Variants in TBC1D9B observed in about 807,000 individuals in gnomAD.
TBC1D9B encodes the protein TBC1 domain family, member 9B (with GRAM domain).
TBC1D9B carries 87 observed loss-of-function variants against 121.1 expected under a neutral mutation model. The observed-to-expected ratio is 0.72, with a 90% CI of 0.60 to 0.86. TBC1D9B has a LOEUF of 0.86. Among genes scored for constraint, TBC1D9B ranks in the 40% least tolerant of loss-of-function variants. The pLI, the probability that TBC1D9B is intolerant of heterozygous loss-of-function variation, is 0.00. For missense variants in TBC1D9B, 1,540 were observed against 1,628.6 expected (o/e 0.95, Z 0.94); for synonymous variants, 668 against 670.1 (o/e 1.00, Z 0.05).
In TBC1D9B at chr5:179,875,108, C is replaced by T. The variant is rs1435117501; in HGVS notation, c.1980G>A (p.Leu660=). The T allele has an allele frequency of 1.2e-6, 2 of 1,614,060 alleles. No individual in the cohort carries two copies. The highest frequency in any genetic ancestry group is 4.5e-5 in the East Asian group (2 of 44,886). ...ACAGCGAGATGCTGGAGATCACCCC[C>T]AGGTCCTGCATCTTCTCCGAGAGCT... is the stretch of plus-strand genomic sequence containing the variant. The part of the protein sequence containing the change: ...LPQLSEKMQD[L]GVISSISLSW... Residue 660 remains leucine (L), a synonymous_variant, in exon 12 of 21, where the codon CTG becomes CTA. Transcript: ENST00000355235. The surrounding 1 kb of genome is among the most constrained non-coding windows in gnomAD (Gnocchi z 4.5).
Position 179,899,201 on chromosome 5 carries a change from C to T in TBC1D9B, c.336G>A (p.Lys112=). Residue 112 remains lysine, a synonymous_variant, in exon 3 of 21, where the codon AAG becomes AAA. Coordinates refer to ENST00000355235, the MANE Select transcript of TBC1D9B (RefSeq NM_015043.4). ...GGGTAAACCTTACGTGTATCTTGCC[C>T]TTGACGAAGGTGGTGATATCTTCCT... The part of the protein sequence containing the change: ...DSEEDITTFV[K]GKIHGIIAEE... 1 of 1,613,212 alleles carries T rather than the reference C, an allele frequency of 6.2e-7. No homozygotes were observed. The highest frequency in any genetic ancestry group is 2.2e-5 in the East Asian group (1 of 44,874).
intron 13 of TBC1D9B, 42 bp downstream of exon 13, chr5:179,873,077 A>C (rs1481119683): frequency 2.0e-5 from 33 of 1,612,128 alleles, no homozygotes; most frequent in Non-Finnish European, 2.8e-5. Flanking sequence ...CCCACATGCC[A>C]GATGGAGCGG....
At chr5:179,896,369 G>C (rs563053240) in intron 3 of TBC1D9B, among the ~76,000 whole-genome samples, 1 of 152,210 alleles carries the variant, frequency 6.6e-6, no homozygotes, top group Non-Finnish European at 1.5e-5. Context: ...CCGCAGCTGC[G>C]ATCTAAACAT....
chr5:179,880,872 C>T (rs998436998), intron 7 of TBC1D9B, among the ~76,000 whole-genome samples: 26 of 152,174 alleles, frequency 1.7e-4, no homozygotes, highest in African/African-American at 6.0e-4. Flanking sequence ...CCAGTGGGCA[C>T]GGCCCCAGCG....
chr5:179,871,541 G>C lies in TBC1D9B; in HGVS notation c.2416-11C>G. 6.2e-7 allele frequency: 1 copy of C among 1,611,932 alleles called. No individual in the cohort carries two copies. Among genetic ancestry groups the C allele is most frequent in the Non-Finnish European group, 8.5e-7 (1 of 1,178,986 alleles). On this transcript the variant is annotated splice_polypyrimidine_tract_variant and intron_variant, in intron 14 of 20. Coordinates refer to ENST00000355235, the MANE Select transcript of TBC1D9B (RefSeq NM_015043.4). The stretch of plus-strand genomic sequence containing the variant: ...AGGTATAGCTCGGACCTAGAAGGAA[G>C]GAGAAACAGGGTATATAGCTGGATC...
At position 179,875,872 on chromosome 5, in the gene TBC1D9B, C is replaced by A. The variant is rs1357747248; in HGVS notation, c.1900+48G>T. On this transcript the variant is annotated intron_variant, in intron 11 of 20. Transcript: ENST00000355235. The surrounding 1 kb of genome is among the most constrained non-coding windows in gnomAD (Gnocchi z 4.5). ...GGAAGGGCTGCCACCCTCATGGAAC[C>A]AGCAGGCACCTGGAGACCCAGGCGA... 1 of 1,490,226 alleles carries A rather than the reference C, an allele frequency of 6.7e-7. No homozygotes were observed. Among genetic ancestry groups the A allele is most frequent in the Admixed American group, 2.1e-5 (1 of 48,270 alleles). The allele number at this position is 1,490,226 out of a possible 1,614,324, so 92.3% of individuals were successfully genotyped here.
chr5:179,864,136 G>A lies in TBC1D9B; in HGVS notation c.3022-8C>T. Reference sequence around the variant, plus strand: ...CAGCTCAATGAACTGCTCCTTTTAGGGAGAAAAACAGAAGAACAGGGAGAT... The same window carrying A: ...CAGCTCAATGAACTGCTCCTTTTAGAGAGAAAAACAGAAGAACAGGGAGAT... On this transcript the variant is annotated splice_region_variant and splice_polypyrimidine_tract_variant and intron_variant, in intron 20 of 20. Coordinates refer to ENST00000355235, the MANE Select transcript of TBC1D9B (RefSeq NM_015043.4). The A allele has an allele frequency of 6.3e-7, 1 of 1,586,524 alleles. No homozygotes were observed. Among genetic ancestry groups the A allele is most frequent in the Non-Finnish European group, 8.6e-7 (1 of 1,163,020 alleles).
rs1240640495 is a variant in TBC1D9B, at chr5:179,874,951, G to C, written c.2137C>G (p.Gln713Glu). The C allele has an allele frequency of 1.2e-6, 2 of 1,613,624 alleles. No individual in the cohort carries two copies. Among genetic ancestry groups the C allele is most frequent in the Non-Finnish European group, 1.7e-6 (2 of 1,180,042 alleles). Reference protein sequence around the residue: ...ALAVLDANMEQLLGCSDEGEA... With the variant: ...ALAVLDANMEELLGCSDEGEA... ...CCCTCGTCGCTGCAGCCCAGCAGCT[G>C]CTCCATGTTGGCGTCCAGGACGGCC... Residue 713 changes from glutamine to glutamate, a missense_variant, in exon 12 of 21, where the codon CAG becomes GAG. Gln to Glu is a conservative substitution (Grantham distance 29). Transcript: ENST00000355235. The surrounding 1 kb of genome is among the most constrained non-coding windows in gnomAD (Gnocchi z 4.3).
At chr5:179,870,191 T>C (rs886955751) in intron 16 of TBC1D9B, 64 bp downstream of exon 16, 1 of 1,592,718 alleles carries the variant, frequency 6.3e-7, no homozygotes, top group African/African-American at 1.3e-5. Flanking sequence ...ATGCTGGCAT[T>C]TGGAGGCTTC....
chr5:179,870,194 G>C, intron 16 of TBC1D9B, 61 bp downstream of exon 16: 1 of 1,594,528 alleles, frequency 6.3e-7, no homozygotes, highest in Non-Finnish European at 8.6e-7. Context: ...CTGGCATTTG[G>C]AGGCTTCCTG....
At position 179,904,977 on chromosome 5, in the gene TBC1D9B, G is replaced by A. The variant is rs549409111; in HGVS notation, c.119-165C>T. ...CCCTGCGGTCAAAGGCCTTCAGCCA[G>A]TGTCTGATCCCGATCAAAAACATCC... On this transcript the variant is annotated intron_variant, in intron 1 of 20. Transcript: ENST00000355235. This position sits in a 1 kb window ranked among gnomAD's most constrained non-coding sequence, Gnocchi z 4.2. Among the ~76,000 whole-genome samples the A allele has an allele frequency of 1.3e-5, 2 of 152,356 alleles. No homozygotes were observed. The highest frequency in any genetic ancestry group is 3.9e-4 in the East Asian group (2 of 5,178).
chr5:179,874,263 G>A lies in TBC1D9B; in HGVS notation c.2186+639C>T, dbSNP rs1329511646. On this transcript the variant is annotated intron_variant, in intron 12 of 20. Coordinates refer to ENST00000355235, the MANE Select transcript of TBC1D9B (RefSeq NM_015043.4). The surrounding 1 kb of genome is among the most constrained non-coding windows in gnomAD (Gnocchi z 4.3). ...AGGGCCAGGTCTGATCAGAGTCATG[G>A]GATGCAGGCAGGTCAAAGACTGAGA... Among the ~76,000 whole-genome samples the A allele has an allele frequency of 2.0e-5, 3 of 152,154 alleles. No homozygotes were observed. The highest frequency in any genetic ancestry group is 7.2e-5 in the African/African-American group (3 of 41,438).
intron 4 of TBC1D9B, 82 bp from the exon 5 acceptor site, chr5:179,893,549 T>G (rs981065652): frequency 2.0e-6 from 3 of 1,511,000 alleles, no homozygotes; most frequent in African/African-American, 1.4e-5. Context: ...CCCAGACCCA[T>G]CCCAGGGAAC....
At chr5:179,899,582 C>T (rs1011185484) in intron 2 of TBC1D9B, among the ~76,000 whole-genome samples, 5 of 152,350 alleles carry the variant, frequency 3.3e-5, no homozygotes, top group Admixed American at 1.3e-4. Flanking sequence ...GGGAGAGTCA[C>T]TAAGTCTCCT....
At chr5:179,869,910 C>T (rs867524624) in intron 16 of TBC1D9B, 76 bp from the exon 17 acceptor site, 1 of 1,377,254 alleles carries the variant, frequency 7.3e-7, no homozygotes, top group African/African-American at 1.5e-5. Flanking sequence ...GAGTAGGACC[C>T]TCTTCACAGC....
chr5:179,898,318 A>G (rs1258331789), intron 3 of TBC1D9B, among the ~76,000 whole-genome samples: 1 of 151,576 alleles, frequency 6.6e-6, no homozygotes, highest in Admixed American at 6.6e-5. Flanking sequence ...CGCCCGGCTA[A>G]TTTTTTTTGT....
At chr5:179,869,939 T>A in intron 16 of TBC1D9B, 105 bp from the exon 17 acceptor site, 1 of 1,164,222 alleles carries the variant, frequency 8.6e-7, no homozygotes, top group East Asian at 2.5e-5. Context: ...CCCAACTCCC[T>A]CCTGGAGAGG....
intron 16 of TBC1D9B, 121 bp downstream of exon 16, chr5:179,870,134 A>G (rs1339282399): frequency 2.7e-6 from 4 of 1,491,104 alleles, no homozygotes; most frequent in Non-Finnish European, 2.7e-6. Flanking sequence ...ATCTAGGGCC[A>G]GGGGCTCAAG....
intron 14 of TBC1D9B, chr5:179,872,185 G>A (rs1250193843): frequency 6.4e-6 from 1 of 156,204 alleles, no homozygotes; most frequent in Non-Finnish European, 1.4e-5. Context: ...ATGGGCGTGG[G>A]GGAGCCTCTG....
Sources: allele counts gnomAD v4.1 joint callset (sites outside exome capture counted in the v4.1 genomes callset), GRCh38; gene constraint gnomAD v4.1.1; non-coding constraint Gnocchi (gnomAD v3.1); transcripts MANE v1.5; gene names NCBI Gene and HGNC (gene_info 2026-07-23, HGNC 2026-07-21).